The following MAPKAPK3 variants were observed in gnomAD, a reference collection of about 807,000 sequenced individuals.
MAPKAPK3 encodes MAP kinase-activated protein kinase 3.
MAPKAPK3 carries 35 observed loss-of-function variants against 49.2 expected under a neutral mutation model. The observed-to-expected ratio is 0.71, with a 90% CI of 0.54 to 0.94. MAPKAPK3 has a LOEUF of 0.94. Ranked by LOEUF, MAPKAPK3 falls within the 40% of genes least tolerant of loss-of-function variation. MAPKAPK3 has a pLI of 0.00. For missense variants in MAPKAPK3, 398 were observed against 493.1 expected, an observed-to-expected ratio of 0.81 and a Z score of 1.83; for synonymous variants, 178 against 188.7, an observed-to-expected ratio of 0.94 and a Z score of 0.46.
intron 2 of MAPKAPK3, among the ~76,000 whole-genome samples, chr3:50,618,619 G>A (rs553769077): frequency 3.3e-5 from 5 of 152,316 alleles, no homozygotes; most frequent in African/African-American, 1.2e-4. Context: ...TTGTGCCAAT[G>A]GATGGGTAGA....
chr3:50,613,549 G>A (rs1488169557), upstream of MAPKAPK3, among the ~76,000 whole-genome samples: 1 of 152,212 alleles, frequency 6.6e-6, no homozygotes, highest in African/African-American at 2.4e-5. Flanking sequence ...TGACTTGCCA[G>A]TAGGAACTGT....
rs368079513 is a variant in MAPKAPK3 at position 50,644,486 on chromosome 3, C to T, written c.582C>T (p.Thr194=). The T allele has an allele frequency of 9.9e-6, 16 of 1,614,020 alleles. No homozygotes were observed. The highest frequency in any genetic ancestry group is 1.2e-5 in the Non-Finnish European group (14 of 1,179,992). The change falls in exon 6 of 11, where the codon ACC becomes ACT. Residue 194 remains threonine (T), a synonymous_variant. Transcript: ENST00000621469. Reference sequence around the variant, plus strand: ...CCGATTTTGGCTTTGCTAAGGAGACCACCCAAAATGCCCTGCAGACACCCT... The same window carrying T: ...CCGATTTTGGCTTTGCTAAGGAGACTACCCAAAATGCCCTGCAGACACCCT... The part of the protein sequence containing the change: ...KLTDFGFAKE[T]TQNALQTPCY...
At chr3:50,645,226 ATCT>A (rs1367107068) in intron 6 of MAPKAPK3, among the ~76,000 whole-genome samples, 1 of 152,154 alleles carries the variant, frequency 6.6e-6, no homozygotes, top group African/African-American at 2.4e-5. Flanking sequence ...TAACTTAGAA[ATCT>A]TCTAGCCTAC....
At chr3:50,634,371 G>A (rs1045513334) in intron 2 of MAPKAPK3, among the ~76,000 whole-genome samples, 2 of 152,126 alleles carry the variant, frequency 1.3e-5, no homozygotes, top group Non-Finnish European at 2.9e-5. Flanking sequence ...AGCTGCCCAA[G>A]TGCCATCACA....
intron 2 of MAPKAPK3, among the ~76,000 whole-genome samples, chr3:50,639,442 C>T (rs1459571978): frequency 2.6e-5 from 4 of 152,100 alleles, no homozygotes; most frequent in Non-Finnish European, 4.4e-5. Context: ...TCTCACAGTG[C>T]GATGACATTG....
chr3:50,635,064 A>G lies in MAPKAPK3; in HGVS notation c.220-5302A>G, dbSNP rs77896902. 2.6e-4 allele frequency among the ~76,000 whole-genome samples: 39 copies of G among 152,350 alleles called. 1 individual carries two copies. The East Asian group carries it at 5.6e-3, about 22-fold the overall frequency. Reference sequence around the variant, plus strand: ...TGGGGAAACAGAGGCCCAGAGAGGAAAAGGGACTGGCCTAAGGTCATACTG... The same window carrying G: ...TGGGGAAACAGAGGCCCAGAGAGGAGAAGGGACTGGCCTAAGGTCATACTG... On this transcript the variant is annotated intron_variant, in intron 2 of 10. Coordinates refer to ENST00000621469, the MANE Select transcript of MAPKAPK3 (RefSeq NM_001243925.2).
chr3:50,637,237 A>G (rs1452647406), intron 2 of MAPKAPK3, among the ~76,000 whole-genome samples: 1 of 152,150 alleles, frequency 6.6e-6, no homozygotes, highest in African/African-American at 2.4e-5. Flanking sequence ...TTTGCTCGGA[A>G]GCCCAGTGTT....
In MAPKAPK3 at chr3:50,617,745, G is replaced by T; in HGVS notation, c.180G>T (p.Glu60Asp). 3.7e-6 allele frequency: 6 copies of T among 1,613,680 alleles called. No homozygotes were observed. The highest frequency in any genetic ancestry group is 5.1e-6 in the Non-Finnish European group (6 of 1,180,008). ...LGLGVNGKVL[E>D]CFHRRTGQKC... ...TGGGTGTGAACGGCAAAGTGCTGGA[G>T]TGCTTCCATCGGCGCACTGGACAGA... The change falls in exon 2 of 11, where the codon GAG becomes GAT. Residue 60 changes from glutamate (E) to aspartate (D), a missense_variant. Coordinates refer to ENST00000621469, the MANE Select transcript of MAPKAPK3 (RefSeq NM_001243925.2).
At chr3:50,622,261 C>T (rs192914864) in intron 2 of MAPKAPK3, among the ~76,000 whole-genome samples, 5 of 152,324 alleles carry the variant, frequency 3.3e-5, no homozygotes, top group Non-Finnish European at 5.9e-5. Flanking sequence ...CACAGGGATG[C>T]TGGGACTTGG....
At chr3:50,645,363 G>A (rs2033265896) in intron 6 of MAPKAPK3, among the ~76,000 whole-genome samples, 1 of 152,164 alleles carries the variant, frequency 6.6e-6, no homozygotes, top group Admixed American at 6.5e-5. Context: ...AGGGAGGCAA[G>A]GGACACAGGA....
chr3:50,631,046 A>G (rs2032893148), intron 2 of MAPKAPK3, among the ~76,000 whole-genome samples: 1 of 152,202 alleles, frequency 6.6e-6, no homozygotes, highest in Admixed American at 6.5e-5. Context: ...CTTGGAACCG[A>G]GCCTCTGAGG....
At chr3:50,626,080 A>ACC (rs3838605) in intron 2 of MAPKAPK3, among the ~76,000 whole-genome samples, 32 of 151,146 alleles carry the variant, frequency 2.1e-4, no homozygotes, top group East Asian at 1.2e-3. Context: ...GTCCCCCGCC[A>ACC]CCCCCCCATG....
rs537848595 is a variant in MAPKAPK3, at chr3:50,637,731, CAGAG to C, written c.220-2623_220-2620del. On this transcript the variant is annotated intron_variant, in intron 2 of 10. Transcript: ENST00000621469. The stretch of plus-strand genomic sequence containing the variant: ...AGAGAGAGAGAGAGAGAGATGGAGA[CAGAG>C]AGAGAGAGAGATTGATCGATCTGAA... 4.0e-3 allele frequency among the ~76,000 whole-genome samples: 558 copies of C among 140,848 alleles called. 6 individuals carry two copies. Among genetic ancestry groups the C allele is most frequent in the African/African-American group, 0.015 (532 of 36,670 alleles). 92.4% of individuals were successfully genotyped at this position (140,848 alleles called of 152,430 possible).
intron 10 of MAPKAPK3, 129 bp downstream of exon 10, chr3:50,647,332 C>A: frequency 1.4e-6 from 1 of 714,906 alleles, no homozygotes; most frequent in Non-Finnish European, 2.4e-6. Context: ...GTGTCAGTGA[C>A]TGTCGCAGTG....
chr3:50,644,341 G>T, intron 5 of MAPKAPK3, 68 bp from the exon 6 acceptor site: 1 of 1,584,264 alleles, frequency 6.3e-7, no homozygotes, highest in East Asian at 2.3e-5. Flanking sequence ...TCTGGCTGAA[G>T]ATCACCTTGG....
At chr3:50,647,336 C>T (rs1447257178) in intron 10 of MAPKAPK3, 133 bp downstream of exon 10, 19 of 697,074 alleles carry the variant, frequency 2.7e-5, no homozygotes, top group Non-Finnish European at 3.8e-5. Flanking sequence ...CAGTGACTGT[C>T]GCAGTGGTCC....
intron 4 of MAPKAPK3, 50 bp downstream of exon 4, chr3:50,641,821 G>C: frequency 6.7e-7 from 1 of 1,499,790 alleles, no homozygotes. Context: ...GAGAGGTATG[G>C]ACCAGAGCGT....
chr3:50,628,806 A>T (rs1047662094), intron 2 of MAPKAPK3, among the ~76,000 whole-genome samples: 1 of 152,192 alleles, frequency 6.6e-6, no homozygotes, highest in Non-Finnish European at 1.5e-5. Context: ...CACAGGAGCC[A>T]TGTGGGAGGA....
chr3:50,611,775 G>A (rs2032335597), upstream of MAPKAPK3: 6 of 1,297,032 alleles, frequency 4.6e-6, no homozygotes, highest in Admixed American at 4.1e-5. Flanking sequence ...GACAGGGACT[G>A]AGAGGCAGTG....
Sources: gnomAD v4.1 joint callset for allele counts (sites outside exome capture counted in the v4.1 genomes callset) on GRCh38, gnomAD v4.1.1 for gene constraint, MANE v1.5 for transcripts, NCBI Gene and HGNC (gene_info 2026-07-23, HGNC 2026-07-21) for gene names.